Variants in PSMC5 observed in about 807,000 individuals in gnomAD.
PSMC5 encodes proteasome 26S subunit, ATPase 5, also known as 26S proteasome regulatory subunit 8.
Under a neutral mutation model 49.1 loss-of-function variants are expected in PSMC5, and 11 were observed. The observed-to-expected ratio is 0.22, with a 90% CI of 0.14 to 0.37. PSMC5 has a LOEUF of 0.37. Among genes scored for constraint, PSMC5 ranks in the 10% least tolerant of loss-of-function variants. The pLI is 1.00. For synonymous variants in PSMC5, 206 were observed against 192.2 expected (o/e 1.07, Z -0.59); for missense variants, 229 against 520.9 (o/e 0.44, Z 5.45).
In PSMC5 at chr17:63,831,990, T is replaced by C. The variant is rs764989493; in HGVS notation, c.*21T>C. ...AGTGAGTGGACAGCCTTTGTGTGTA[T>C]CTCTCCAATAAAGCTCTGTGGGCCA... On this transcript the variant is annotated 3_prime_UTR_variant, in exon 12 of 12. Transcript: ENST00000310144. This position sits in a 1 kb window ranked among gnomAD's most constrained non-coding sequence, Gnocchi z 6.3. 7 of 1,609,578 alleles carry C rather than the reference T, an allele frequency of 4.3e-6. No homozygotes were observed. In the South Asian group the frequency reaches 5.5e-5, roughly 13 times the overall value.
In PSMC5 at chr17:63,828,249, T is replaced by TG. The variant is rs1567756373; in HGVS notation, c.96+45dup. 1.9e-6 allele frequency: 3 copies of TG among 1,593,028 alleles called. No homozygotes were observed. The South Asian group carries it at 3.3e-5, about 18-fold the overall frequency. On this transcript the variant is annotated intron_variant, in intron 2 of 11. Coordinates refer to ENST00000310144, the MANE Select transcript of PSMC5 (RefSeq NM_002805.6). ...CAGAGGGAGCTAGGAAGGGTGATGA[T>TG]GGGGGATGGAAACGGACTTCCACAA...
chr17:63,828,405 AG>A, intron 2 of PSMC5, 196 bp downstream of exon 2: 1 of 567,640 alleles, frequency 1.8e-6, no homozygotes, highest in Non-Finnish European at 3.1e-6. Context: ...CATCTCTTTG[AG>A]GGTCTTAGTG....
intron 2 of PSMC5, chr17:63,829,165 C>T: frequency 3.4e-6 from 1 of 290,660 alleles, no homozygotes. Flanking sequence ...ACTCAGGTTT[C>T]TCACCTAACA....
chr17:63,829,642 C>T, intron 3 of PSMC5, 79 bp downstream of exon 3: 1 of 1,392,660 alleles, frequency 7.2e-7, no homozygotes, highest in Non-Finnish European at 1.0e-6. Context: ...TGTGTCTTCA[C>T]AGCAGTGCTT....
intron 2 of PSMC5, chr17:63,828,466 C>T (rs2040140057): frequency 2.8e-6 from 1 of 351,240 alleles, no homozygotes; most frequent in Non-Finnish European, 5.2e-6. Flanking sequence ...GTAAAGGTAC[C>T]TCTAGCCAAA....
Position 63,830,540 on chromosome 17 carries a change from T to A in PSMC5, c.552+39T>A, listed in dbSNP as rs1261920784. The A allele has an allele frequency of 5.0e-6, 8 of 1,605,236 alleles. No homozygotes were observed. The highest frequency in any genetic ancestry group is 5.9e-6 in the Non-Finnish European group (7 of 1,176,470). On this transcript the variant is annotated intron_variant, in intron 6 of 11. Transcript: ENST00000310144. The surrounding 1 kb of genome is among the most constrained non-coding windows in gnomAD (Gnocchi z 4.0). ...CTTCTCTGAGAGGGCCAAGCTGTAC[T>A]TACTCCTCCTGCCCCAGCCAGCCCT... is the stretch of plus-strand genomic sequence containing the variant.
chr17:63,830,579 G>T lies in PSMC5; in HGVS notation c.552+78G>T, dbSNP rs1165353928. On this transcript the variant is annotated intron_variant, in intron 6 of 11. Transcript: ENST00000310144. The surrounding 1 kb of genome is among the most constrained non-coding windows in gnomAD (Gnocchi z 4.0). ...CCAGCCAGCCCTACTGCAGGGGTTG[G>T]GGAGGCACCGGGATAGGCTGCATCT... 2.6e-6 allele frequency: 4 copies of T among 1,551,856 alleles called. No individual in the cohort carries two copies. In the African/African-American group the frequency reaches 4.1e-5, roughly 16 times the overall value.
Position 63,831,413 on chromosome 17 carries a change from C to T in PSMC5, c.957C>T (p.Pro319=), listed in dbSNP as rs752943551. The T allele has an allele frequency of 4.8e-5, 77 of 1,613,792 alleles. No homozygotes were observed. The highest frequency in any genetic ancestry group is 3.3e-4 in the Middle Eastern group (2 of 6,084). ...GRIDRKIEFP[P]PNEEARLDIL... Reference sequence around the variant, plus strand: ...TTGACAGAAAAATTGAATTCCCACCCCCCAATGAGGAGGTTTGTGATGGAC... The same window carrying T: ...TTGACAGAAAAATTGAATTCCCACCTCCCAATGAGGAGGTTTGTGATGGAC... Residue 319 remains proline, a synonymous_variant, in exon 9 of 12, where the codon CCC becomes CCT. Coordinates refer to ENST00000310144, the MANE Select transcript of PSMC5 (RefSeq NM_002805.6). The surrounding 1 kb of genome is among the most constrained non-coding windows in gnomAD (Gnocchi z 6.3).
At chr17:63,829,011 A>T (rs1417092363) in intron 2 of PSMC5, 2 of 154,372 alleles carry the variant, frequency 1.3e-5, no homozygotes, top group Non-Finnish European at 1.4e-5. Flanking sequence ...ATGCTTTTTC[A>T]TGTGTTTTTA....
At chr17:63,829,251 A>C in intron 2 of PSMC5, 2 of 428,674 alleles carry the variant, frequency 4.7e-6, no homozygotes. Context: ...TTTCTCCATT[A>C]GATTCTGTTA....
chr17:63,829,316 G>C (rs1183983505), intron 2 of PSMC5, 178 bp from the exon 3 acceptor site: 2 of 619,554 alleles, frequency 3.2e-6, no homozygotes, highest in East Asian at 2.8e-5. Context: ...GTAAGGTCCA[G>C]AGGGACTCTT....
At position 63,827,456 on chromosome 17, in the gene PSMC5, G is replaced by C. The variant is rs1198562039; in HGVS notation, c.-35G>C. 2.6e-6 allele frequency: 4 copies of C among 1,551,630 alleles called. No individual in the cohort carries two copies. Among genetic ancestry groups the C allele is most frequent in the East Asian group, 2.4e-5 (1 of 40,928 alleles). ...GCTTCCGCGCTTGCGCGCCAAGACGGCTCGGATGCCGGCGGTCTCTGCTGA... is the reference window on the plus strand; with the variant it reads ...GCTTCCGCGCTTGCGCGCCAAGACGCCTCGGATGCCGGCGGTCTCTGCTGA... On this transcript the variant is annotated 5_prime_UTR_variant, in exon 1 of 12. Coordinates refer to ENST00000310144, the MANE Select transcript of PSMC5 (RefSeq NM_002805.6).
chr17:63,829,981 G>T (rs925625992), intron 4 of PSMC5, 32 bp downstream of exon 4: 2 of 1,586,088 alleles, frequency 1.3e-6, no homozygotes, highest in South Asian at 1.2e-5. Context: ...GGACCAGCTC[G>T]GTCTCCACTG....
At position 63,830,569 on chromosome 17, in the gene PSMC5, G is replaced by C; in HGVS notation, c.552+68G>C. The C allele has an allele frequency of 1.3e-6, 2 of 1,575,248 alleles. No individual in the cohort carries two copies. Among genetic ancestry groups the C allele is most frequent in the Non-Finnish European group, 1.7e-6 (2 of 1,162,600 alleles). On this transcript the variant is annotated intron_variant, in intron 6 of 11. Coordinates refer to ENST00000310144, the MANE Select transcript of PSMC5 (RefSeq NM_002805.6). The surrounding 1 kb of genome is among the most constrained non-coding windows in gnomAD (Gnocchi z 4.0). Reference sequence around the variant, plus strand: ...TCCTCCTGCCCCAGCCAGCCCTACTGCAGGGGTTGGGGAGGCACCGGGATA... The same window carrying C: ...TCCTCCTGCCCCAGCCAGCCCTACTCCAGGGGTTGGGGAGGCACCGGGATA...
At chr17:63,827,724 A>G in intron 1 of PSMC5, 1 of 1,436,298 alleles carries the variant, frequency 7.0e-7, no homozygotes, top group Non-Finnish European at 9.1e-7. Context: ...ACGCGGTAGA[A>G]GCGGAGTGAG....
intron 2 of PSMC5, chr17:63,828,472 C>G: frequency 2.9e-6 from 1 of 341,578 alleles, no homozygotes; most frequent in South Asian, 5.2e-5. Flanking sequence ...GTACCTCTAG[C>G]CAAAGGTCAA....
chr17:63,828,799 G>C (rs2144616391), intron 2 of PSMC5: 1 of 154,928 alleles, frequency 6.5e-6, no homozygotes, highest in South Asian at 2.0e-4. Context: ...ATAAACAGTA[G>C]TCTGTTAGTG....
chr17:63,827,873 GC>G lies in PSMC5; in HGVS notation c.25-259del, dbSNP rs932521804. 7 of 1,427,898 alleles carry G rather than the reference GC, an allele frequency of 4.9e-6. 1 individual carries two copies. The African/African-American group carries it at 8.6e-5, about 18-fold the overall frequency. 88.5% of individuals were successfully genotyped at this position (1,427,898 alleles called of 1,614,324 possible). On this transcript the variant is annotated intron_variant, in intron 1 of 11. Transcript: ENST00000310144. ...TAGAGCACTTCACGCAGTGCAAAGC[GC>G]CCCCCGTCTATATCATATCGCCTCT...
In PSMC5 at chr17:63,831,418, A is replaced by C; in HGVS notation, c.962A>C (p.Asn321Thr). The change falls in exon 9 of 12, where the codon AAT (asparagine) becomes ACT (threonine). Residue 321 changes from asparagine (N) to threonine (T), a missense_variant. Coordinates refer to ENST00000310144, the MANE Select transcript of PSMC5 (RefSeq NM_002805.6). The surrounding 1 kb of genome is among the most constrained non-coding windows in gnomAD (Gnocchi z 6.3). ...IDRKIEFPPP[N>T]EEARLDILKI... ...AGAAAAATTGAATTCCCACCCCCCA[A>C]TGAGGAGGTTTGTGATGGACACTGT... 1.9e-6 allele frequency: 3 copies of C among 1,612,344 alleles called. No homozygotes were observed. Among genetic ancestry groups the C allele is most frequent in the Non-Finnish European group, 2.5e-6 (3 of 1,178,544 alleles).
Sources: gnomAD v4.1 joint callset for allele counts on GRCh38, gnomAD v4.1.1 for gene constraint, Gnocchi (gnomAD v3.1) non-coding constraint, MANE v1.5 for transcripts, NCBI Gene and HGNC (gene_info 2026-07-23, HGNC 2026-07-21) for gene names.